HGH1: variants seen among roughly 807,000 people sequenced by gnomAD.
The protein encoded by HGH1 is co-chaperone protein HGH1 homolog.
HGH1 carries 31 observed loss-of-function variants against 31.7 expected under a neutral mutation model. The ratio of observed to expected loss-of-function variants is 0.98; its 90% confidence interval spans 0.73 to 1.32. The LOEUF (loss-of-function observed/expected upper bound fraction) is 1.32. HGH1 is among the 40% of genes most tolerant of loss of function. The pLI is 0.00. For missense variants in HGH1, 618 were observed against 594.4 expected (o/e 1.04, Z -0.41); for synonymous variants, 284 against 293.6 (o/e 0.97, Z 0.34).
Position 144,139,416 on chromosome 8 carries a change from G to C in HGH1, c.1037G>C (p.Gly346Ala). The C allele has an allele frequency of 1.9e-6, 3 of 1,611,368 alleles. No individual in the cohort carries two copies. The highest frequency in any genetic ancestry group is 2.5e-6 in the Non-Finnish European group (3 of 1,178,838). Residue 346 changes from glycine to alanine, a missense_variant, in exon 6 of 6, where the codon GGC becomes GCC. By Grantham distance (60) the Gly-to-Ala change is moderately conservative (BLOSUM62 0). Coordinates refer to ENST00000347708, the MANE Select transcript of HGH1 (RefSeq NM_016458.4). The stretch of plus-strand genomic sequence containing the variant: ...CTTATTGGGGACGAGCCTGAACGTG[G>C]CATGGAAAACCTGCTGGAGGTGCAG... ...QVLIGDEPER[G>A]MENLLEVQVP...
rs923563911 is a variant in HGH1 at position 144,139,279 on chromosome 8, G to A, written c.976G>A (p.Asp326Asn). ...RELHSWEPEP[D>N]VRTACEKLIQ... is the part of the protein sequence containing the mutation. ...GCTGCACAGCTGGGAGCCGGAGCCCGACGTGCGGACGGCTTGTGAGAAGCT... is the reference window on the plus strand; with the variant it reads ...GCTGCACAGCTGGGAGCCGGAGCCCAACGTGCGGACGGCTTGTGAGAAGCT... The change falls in exon 5 of 6, where the codon GAC becomes AAC. Residue 326 changes from aspartate (D) to asparagine (N), a missense_variant. Coordinates refer to ENST00000347708, the MANE Select transcript of HGH1 (RefSeq NM_016458.4). 208 of 1,613,854 alleles carry A rather than the reference G, an allele frequency of 1.3e-4. No homozygotes were observed. The highest frequency in any genetic ancestry group is 1.7e-4 in the Non-Finnish European group (204 of 1,179,866).
At position 144,139,271 on chromosome 8, in the gene HGH1, C is replaced by A; in HGVS notation, c.968C>A (p.Pro323Gln). The change falls in exon 5 of 6, where the codon CCG (proline) becomes CAG (glutamine). Residue 323 changes from proline to glutamine, a missense_variant. Transcript: ENST00000347708. ...LILRELHSWE[P>Q]EPDVRTACEK... ...CTTCGAGAGCTGCACAGCTGGGAGC[C>A]GGAGCCCGACGTGCGGACGGCTTGT... 1 of 1,613,968 alleles carries A rather than the reference C, an allele frequency of 6.2e-7. No homozygotes were observed. Among genetic ancestry groups the A allele is most frequent in the Non-Finnish European group, 8.5e-7 (1 of 1,179,854 alleles).
chr8:144,138,446 C>G lies in HGH1; in HGVS notation c.593+18C>G. 1 of 1,587,250 alleles carries G rather than the reference C, an allele frequency of 6.3e-7. No homozygotes were observed. ...CCCGACAGGTGAAGCCCAGGGCGCC[C>G]GCGCGGGCGGGGAGGGGACGGAAGT... is the stretch of plus-strand genomic sequence containing the variant. On this transcript the variant is annotated intron_variant, in intron 1 of 5. Coordinates refer to ENST00000347708, the MANE Select transcript of HGH1 (RefSeq NM_016458.4).
chr8:144,139,342 G>GCA, intron 5 of HGH1, 31 bp downstream of exon 5: 11 of 1,613,950 alleles, frequency 6.8e-6, no homozygotes, highest in Non-Finnish European at 9.3e-6. Context: ...GCTGGGGAAG[G>GCA]GGTGTCTGTA....
Position 144,139,752 on chromosome 8 carries a change from A to C in HGH1, c.*200A>C. ...TGCAGTGTTGCTACCAGCAAGAATGAAGGTTGTGCAGAGCAGTACTGTGAG... is the reference window on the plus strand; with the variant it reads ...TGCAGTGTTGCTACCAGCAAGAATGCAGGTTGTGCAGAGCAGTACTGTGAG... On this transcript the variant is annotated 3_prime_UTR_variant, in exon 6 of 6. Coordinates refer to ENST00000347708, the MANE Select transcript of HGH1 (RefSeq NM_016458.4). 2 of 777,592 alleles carry C rather than the reference A, an allele frequency of 2.6e-6. No individual in the cohort carries two copies. Among genetic ancestry groups the C allele is most frequent in the East Asian group, 5.4e-5 (2 of 37,242 alleles). 48.2% of individuals were successfully genotyped at this position (777,592 alleles called of 1,614,324 possible).
Position 144,137,935 on chromosome 8 carries a change from C to T in HGH1, c.100C>T (p.Arg34Trp), listed in dbSNP as rs1815116621. Residue 34 changes from arginine to tryptophan, a missense_variant, in exon 1 of 6, where the codon CGG becomes TGG. Arg to Trp is a moderately radical substitution (Grantham distance 101). Coordinates refer to ENST00000347708, the MANE Select transcript of HGH1 (RefSeq NM_016458.4). ...KLLPFLAPGA[R>W]ADLQAAAVRH... ...GCTGCCCTTCCTGGCGCCGGGCGCG[C>T]GGGCGGACCTGCAGGCGGCGGCGGT... 2.3e-6 allele frequency: 3 copies of T among 1,323,798 alleles called. No homozygotes were observed. The highest frequency in any genetic ancestry group is 2.0e-5 in the South Asian group (1 of 48,950). 82.0% of individuals were successfully genotyped at this position (1,323,798 alleles called of 1,614,324 possible). A position where few individuals can be genotyped will look rare whatever the true frequency, so the allele number is the denominator to read the frequency against.
chr8:144,138,013 G>T lies in HGH1; in HGVS notation c.178G>T (p.Gly60Trp). Residue 60 changes from glycine to tryptophan, a missense_variant, in exon 1 of 6, where the codon GGG becomes TGG. Transcript: ENST00000347708. Reference sequence around the variant, plus strand: ...CGGACCCGGCCGCGCGCTGTTGGCGGGGCAGGCGGCGCTGCTGCAGGCGCT... The same window carrying T: ...CGGACCCGGCCGCGCGCTGTTGGCGTGGCAGGCGGCGCTGCTGCAGGCGCT... ...GCGPGRALLA[G>W]QAALLQALME... is the part of the protein sequence containing the mutation. 1 of 1,308,260 alleles carries T rather than the reference G, an allele frequency of 7.6e-7. No individual in the cohort carries two copies. The allele number at this position is 1,308,260 out of a possible 1,614,324, so 81.0% of individuals were successfully genotyped here.
In HGH1 at chr8:144,139,316, G is replaced by T; in HGVS notation, c.1008+5G>T. On this transcript the variant is annotated splice_donor_5th_base_variant and intron_variant, in intron 5 of 5. Coordinates refer to ENST00000347708, the MANE Select transcript of HGH1 (RefSeq NM_016458.4). Reference sequence around the variant, plus strand: ...GCTTGTGAGAAGCTCATCCAGGTTGGTGCAGGGTTGGAGAGGCTGGGGAAG... The same window carrying T: ...GCTTGTGAGAAGCTCATCCAGGTTGTTGCAGGGTTGGAGAGGCTGGGGAAG... 1 of 1,613,986 alleles carries T rather than the reference G, an allele frequency of 6.2e-7. No homozygotes were observed. Among genetic ancestry groups the T allele is most frequent in the Non-Finnish European group, 8.5e-7 (1 of 1,179,872 alleles).
intron 3 of HGH1, 66 bp downstream of exon 3, chr8:144,138,879 G>A: frequency 5.6e-6 from 9 of 1,606,202 alleles, no homozygotes; most frequent in South Asian, 1.1e-5. Flanking sequence ...GGGAGAGAGA[G>A]GTGTCCAGGC....
At position 144,138,625 on chromosome 8, in the gene HGH1, C is replaced by G; in HGVS notation, c.694+18C>G. The stretch of plus-strand genomic sequence containing the variant: ...CGAGCACCGTGAGTGGTGGGTGTGG[C>G]GGGGGTGCGTTGCCAGGTGTGGGGA... On this transcript the variant is annotated intron_variant, in intron 2 of 5. Transcript: ENST00000347708. 1 of 1,602,076 alleles carries G rather than the reference C, an allele frequency of 6.2e-7. No homozygotes were observed. Among genetic ancestry groups the G allele is most frequent in the Non-Finnish European group, 8.5e-7 (1 of 1,174,374 alleles).
intron 1 of HGH1, 33 bp downstream of exon 1, chr8:144,138,461 G>C: frequency 6.3e-7 from 1 of 1,591,904 alleles, no homozygotes; most frequent in Non-Finnish European, 8.5e-7. Flanking sequence ...GGGCGGGGAG[G>C]GGACGGAAGT....
At position 144,139,517 on chromosome 8, in the gene HGH1, C is replaced by G; in HGVS notation, c.1138C>G (p.Pro380Ala). 1 of 1,560,298 alleles carries G rather than the reference C, an allele frequency of 6.4e-7. No individual in the cohort carries two copies. The highest frequency in any genetic ancestry group is 8.7e-7 in the Non-Finnish European group (1 of 1,152,492). Residue 380 changes from proline to alanine, a missense_variant, in exon 6 of 6, where the codon CCA becomes GCA. By Grantham distance (27) the Pro-to-Ala change is conservative. Coordinates refer to ENST00000347708, the MANE Select transcript of HGH1 (RefSeq NM_016458.4). ...EQEQLERELA[P>A]EPWVERATPT is the part of the protein sequence containing the mutation. ...GGAGCAGTTGGAGCGGGAGCTGGCC[C>G]CAGAGCCATGGGTGGAGAGGGCCAC... is the stretch of plus-strand genomic sequence containing the variant.
rs1815156114 is a variant in HGH1 at position 144,139,469 on chromosome 8, C to T, written c.1090C>T (p.Gln364Ter). ...QVPEDVEQQLQQLDCREQEQL... is the reference protein window; with the variant it reads ...QVPEDVEQQL ...GCCTGAGGATGTGGAGCAGCAGCTGCAGCAGCTGGATTGCAGGGAGCAGGA... is the reference window on the plus strand; with the variant it reads ...GCCTGAGGATGTGGAGCAGCAGCTGTAGCAGCTGGATTGCAGGGAGCAGGA... The change falls in exon 6 of 6, where the codon CAG becomes TAG. Residue 364 changes from glutamine to a stop codon, truncating the protein, a stop_gained. Transcript: ENST00000347708. LOFTEE classifies it low-confidence loss of function (END_TRUNC). 3.2e-6 allele frequency: 5 copies of T among 1,583,298 alleles called. No individual in the cohort carries two copies. Among genetic ancestry groups the T allele is most frequent in the Admixed American group, 3.7e-5 (2 of 54,190 alleles).
At position 144,139,865 on chromosome 8, in the gene HGH1, G is replaced by A. The variant is rs1046871327; in HGVS notation, c.*313G>A. On this transcript the variant is annotated 3_prime_UTR_variant, in exon 6 of 6. Transcript: ENST00000347708. ...CCATGAGAAGACTCTTCCTGGGCAC[G>A]GCGTGGGGACTGGACAGAAAACCAC... The A allele has an allele frequency of 7.7e-6, 4 of 522,562 alleles. No homozygotes were observed. Among genetic ancestry groups the A allele is most frequent in the Non-Finnish European group, 1.0e-5 (3 of 289,988 alleles). 32.4% of individuals were successfully genotyped at this position (522,562 alleles called of 1,614,324 possible). A position where few individuals can be genotyped will look rare whatever the true frequency, so the allele number is the denominator to read the frequency against.
Position 144,139,199 on chromosome 8 carries a change from C to T in HGH1, c.896C>T (p.Thr299Ile). Residue 299 changes from threonine to isoleucine, a missense_variant, in exon 5 of 6, where the codon ACA (threonine) becomes ATA (isoleucine). Transcript: ENST00000347708. ...LVEAIMLLTA[T>I]APGRQQVRDQ... ...CTTCCACCTCCTCAGCTGACAGCCA[C>T]AGCACCAGGTCGGCAGCAGGTGCGG... 6.2e-7 allele frequency: 1 copy of T among 1,614,002 alleles called. No homozygotes were observed. Among genetic ancestry groups the T allele is most frequent in the Non-Finnish European group, 8.5e-7 (1 of 1,179,874 alleles).
Position 144,138,554 on chromosome 8 carries a change from C to G in HGH1, c.641C>G (p.Ser214Cys), listed in dbSNP as rs943389933. The G allele has an allele frequency of 1.9e-5, 31 of 1,612,790 alleles. No homozygotes were observed. In the Middle Eastern group the frequency reaches 1.5e-3, roughly 78 times the overall value. Residue 214 changes from serine to cysteine, a missense_variant, in exon 2 of 6, where the codon TCT becomes TGT. By Grantham distance (112) the Ser-to-Cys change is moderately radical (BLOSUM62 -1). Transcript: ENST00000347708. ...CCCCTTACCCAGTACCCCGACTCCT[C>G]TGTACGCAGGGGCGGGGTGGTGGGG... ...LLPLTQYPDS[S>C]VRRGGVVGTL... is the part of the protein sequence containing the mutation.
intron 2 of HGH1, 38 bp from the exon 3 acceptor site, chr8:144,138,677 G>C (rs1815135106): frequency 1.2e-6 from 2 of 1,612,430 alleles, no homozygotes. Context: ...CTCTGGACCA[G>C]TTTCCATTCC....
At position 144,138,269 on chromosome 8, in the gene HGH1, T is replaced by C. The variant is rs1476750472; in HGVS notation, c.434T>C (p.Leu145Pro). 1 of 1,451,810 alleles carries C rather than the reference T, an allele frequency of 6.9e-7. No individual in the cohort carries two copies. The highest frequency in any genetic ancestry group is 9.0e-7 in the Non-Finnish European group (1 of 1,114,180). 89.9% of individuals were successfully genotyped at this position (1,451,810 alleles called of 1,614,324 possible). ...CCGTGTGCAGCGCTCATGGCGGCGCTGGCGGCCGCGGAGCCGGCAGACTCG... is the reference window on the plus strand; with the variant it reads ...CCGTGTGCAGCGCTCATGGCGGCGCCGGCGGCCGCGGAGCCGGCAGACTCG... ...PAPCAALMAA[L>P]AAAEPADSGL... Residue 145 changes from leucine (L) to proline (P), a missense_variant, in exon 1 of 6, where the codon CTG becomes CCG. Physicochemically the swap from Leu to Pro is moderately conservative, Grantham distance 98. Transcript: ENST00000347708.
Position 144,138,862 on chromosome 8 carries a change from C to T in HGH1, c.793+49C>T, listed in dbSNP as rs577082937. 102 of 1,610,384 alleles carry T rather than the reference C, an allele frequency of 6.3e-5. No homozygotes were observed. The South Asian group carries it at 1.1e-3, about 17-fold the overall frequency. On this transcript the variant is annotated intron_variant, in intron 3 of 5. Transcript: ENST00000347708. ...AGAGTTGGCCGGAGAGGAGGGAGGC[C>T]AGTGGAGGGAGAGAGAGGTGTCCAG...
Sources: allele counts gnomAD v4.1 joint callset, GRCh38; gene constraint gnomAD v4.1.1; transcripts MANE v1.5; gene names NCBI Gene and HGNC (gene_info 2026-07-23, HGNC 2026-07-21).